LRP1B: variants seen among roughly 807,000 people sequenced by gnomAD.
LRP1B encodes the protein low-density lipoprotein receptor-related protein 1B.
A neutral mutation model predicts 556.6 loss-of-function variants in LRP1B; 217 were observed. The ratio of observed to expected loss-of-function variants is 0.39; its 90% CI spans 0.35 to 0.44. The LOEUF (loss-of-function observed/expected upper bound fraction) is 0.44. Ranked by LOEUF, LRP1B falls within the 20% of genes least tolerant of loss-of-function variation. The pLI is 1.00. For synonymous variants in LRP1B, 2,047 were observed against 1,865.8 expected (o/e 1.10, Z -2.50); for missense variants, 5,053 against 5,620.8 (o/e 0.90, Z 3.23).
At chr2:140,588,695 T>C (rs1002427285) in intron 43 of LRP1B, among the ~76,000 whole-genome samples, 2 of 151,852 alleles carry the variant, frequency 1.3e-5, no homozygotes, top group Non-Finnish European at 2.9e-5. Context: ...GCTGGGTGCA[T>C]TGGCTCGTGC....
rs1681036537 is a variant in LRP1B at position 141,442,857 on chromosome 2, CTT to C, written c.343+37537_343+37538del. ...ACGGGCATTTGGGTTTGTTCCAAGTCTTTGCTATTGTGAATACTGCTGCAATA... is the reference window on the plus strand; with the variant it reads ...ACGGGCATTTGGGTTTGTTCCAAGTCTGCTATTGTGAATACTGCTGCAATA... On this transcript the variant is annotated intron_variant, in intron 3 of 90. Coordinates refer to ENST00000389484, the MANE Select transcript of LRP1B (RefSeq NM_018557.3). Among the ~76,000 whole-genome samples the C allele has an allele frequency of 2.6e-5, 4 of 152,026 alleles. No homozygotes were observed. The South Asian group carries it at 8.3e-4, about 32-fold the overall frequency.
In LRP1B at chr2:141,067,116, T is replaced by C. The variant is rs543202355; in HGVS notation, c.1014-4843A>G. ...TCAATAGTAACATAACCTCATTTTT[T>C]ATGCCATTGTACCTTGTACAAAACT... On this transcript the variant is annotated intron_variant, in intron 7 of 90. Transcript: ENST00000389484. Among the ~76,000 whole-genome samples, 10 of 152,104 alleles carry C rather than the reference T, an allele frequency of 6.6e-5. No homozygotes were observed. In the Middle Eastern group the frequency reaches 0.01, roughly 155 times the overall value.
intron 59 of LRP1B, among the ~76,000 whole-genome samples, chr2:140,478,182 C>T (rs953732434): frequency 6.9e-5 from 9 of 130,874 alleles, no homozygotes; most frequent in Middle Eastern, 5.8e-3. Context: ...AGGAGCCTCG[C>T]TCTGTTGCCC....
intron 66 of LRP1B, among the ~76,000 whole-genome samples, chr2:140,429,041 T>C (rs1302868302): frequency 1.3e-5 from 2 of 152,048 alleles, no homozygotes; most frequent in Admixed American, 6.6e-5. Flanking sequence ...AAGTATAAGA[T>C]ACCTCTACTC....
At chr2:140,702,327 T>C in intron 38 of LRP1B, 35 bp from the exon 39 acceptor site, 1 of 1,608,226 alleles carries the variant, frequency 6.2e-7, no homozygotes, top group Non-Finnish European at 8.5e-7. Flanking sequence ...TTACAGACTA[T>C]ATTTGATTGT....
chr2:141,286,955 T>G (rs1428916211), intron 3 of LRP1B, among the ~76,000 whole-genome samples: 1 of 152,162 alleles, frequency 6.6e-6, no homozygotes, highest in Non-Finnish European at 1.5e-5. Flanking sequence ...AGAAACTGAA[T>G]TTTGTTTAAT....
intron 77 of LRP1B, among the ~76,000 whole-genome samples, chr2:140,350,295 TTC>T (rs1168603468): frequency 2.0e-5 from 3 of 152,004 alleles, no homozygotes; most frequent in East Asian, 3.9e-4. Context: ...TGCACAATAT[TTC>T]TGTTTTGGAT....
chr2:141,281,587 C>G (rs1277145410), intron 3 of LRP1B, among the ~76,000 whole-genome samples: 1 of 151,974 alleles, frequency 6.6e-6, no homozygotes, highest in Non-Finnish European at 1.5e-5. Flanking sequence ...TGTAGTATCT[C>G]AAGCAGGTTT....
chr2:140,685,341 A>G (rs1686010521), intron 41 of LRP1B, among the ~76,000 whole-genome samples: 1 of 152,226 alleles, frequency 6.6e-6, no homozygotes, highest in South Asian at 2.1e-4. Flanking sequence ...ATTTATTACT[A>G]AGTCCTAGGC....
intron 60 of LRP1B, among the ~76,000 whole-genome samples, chr2:140,469,926 G>A (rs536975582): frequency 1.1e-4 from 16 of 152,164 alleles, no homozygotes; most frequent in South Asian, 4.1e-4. Flanking sequence ...GGCTTTAACC[G>A]CACTTATTAC....
At chr2:140,488,490 GC>G (rs1474018662) in intron 57 of LRP1B, among the ~76,000 whole-genome samples, 12 of 152,078 alleles carry the variant, frequency 7.9e-5, no homozygotes, top group Non-Finnish European at 1.5e-4. Context: ...GTTTCTGGAT[GC>G]TACAGCTTTT....
chr2:141,068,420 C>T (rs1699541217), intron 7 of LRP1B, among the ~76,000 whole-genome samples: 1 of 151,798 alleles, frequency 6.6e-6, no homozygotes, highest in Non-Finnish European at 1.5e-5. Context: ...ACATAGGGCC[C>T]AAAGATTGGT....
intron 41 of LRP1B, among the ~76,000 whole-genome samples, chr2:140,602,779 C>A (rs1682724148): frequency 6.6e-6 from 1 of 151,094 alleles, no homozygotes; most frequent in Non-Finnish European, 1.5e-5. Context: ...ATGAAATATC[C>A]AATAATAATG....
intron 66 of LRP1B, among the ~76,000 whole-genome samples, chr2:140,432,673 A>T (rs763924808): frequency 3.9e-5 from 6 of 152,226 alleles, no homozygotes; most frequent in Non-Finnish European, 8.8e-5. Context: ...ACTTCATCTG[A>T]AGAACTTCTA....
chr2:140,485,462 A>G lies in LRP1B; in HGVS notation c.9306T>C (p.Tyr3102=), dbSNP rs774600200. ...LAVDWIGKNL[Y]WSDTEKRIIE... ...TGATTCTTTTTTCTGTGTCAGACCA[A>G]TAGAGGTTTTTTCCAATCCAATCGA... Residue 3102 remains tyrosine, a synonymous_variant, in exon 59 of 91, where the codon TAT becomes TAC. Coordinates refer to ENST00000389484, the MANE Select transcript of LRP1B (RefSeq NM_018557.3). 2 of 1,613,940 alleles carry G rather than the reference A, an allele frequency of 1.2e-6. No homozygotes were observed. The highest frequency in any genetic ancestry group is 1.7e-6 in the Non-Finnish European group (2 of 1,179,880).
At chr2:141,494,119 T>G (rs573278414) in intron 2 of LRP1B, among the ~76,000 whole-genome samples, 2 of 152,318 alleles carry the variant, frequency 1.3e-5, no homozygotes, top group African/African-American at 4.8e-5. Context: ...CTGCTAGTTC[T>G]GCCACTTGGC....
At chr2:141,432,140 A>G (rs977415236) in intron 3 of LRP1B, among the ~76,000 whole-genome samples, 3 of 152,068 alleles carry the variant, frequency 2.0e-5, no homozygotes, top group African/African-American at 7.2e-5. Context: ...TTTCACTCCA[A>G]GTTTACTGAG....
chr2:140,297,008 A>G (rs1334064672), intron 84 of LRP1B, among the ~76,000 whole-genome samples: 2 of 152,180 alleles, frequency 1.3e-5, no homozygotes, highest in Non-Finnish European at 2.9e-5. Flanking sequence ...AACTTGGCAG[A>G]CAGGAAAATA....
chr2:140,297,057 T>C (rs974959440), intron 84 of LRP1B, among the ~76,000 whole-genome samples: 33 of 151,914 alleles, frequency 2.2e-4, no homozygotes, highest in African/African-American at 7.7e-4. Flanking sequence ...TTGTGGGAGA[T>C]GTGTTCATAA....
Sources: allele counts gnomAD v4.1 joint callset (sites outside exome capture counted in the v4.1 genomes callset), GRCh38; gene constraint gnomAD v4.1.1; transcripts MANE v1.5; gene names NCBI Gene and HGNC (gene_info 2026-07-23, HGNC 2026-07-21).